The following PIK3R3 variants were observed in gnomAD, a reference collection of about 807,000 sequenced individuals.
PIK3R3 encodes the protein phosphatidylinositol 3-kinase regulatory subunit gamma.
In PIK3R3, 64 loss-of-function variants were observed where a neutral mutation model predicts 62.9. That is an observed-to-expected ratio of 1.02 (90% CI 0.83 to 1.25). PIK3R3 has a LOEUF of 1.25. Ranked by LOEUF, PIK3R3 falls within the 50% of genes most tolerant of loss-of-function variation. The pLI, the probability that PIK3R3 is intolerant of heterozygous loss-of-function variation, is 0.00. For missense variants in PIK3R3, 614 were observed against 561.6 expected (o/e 1.09, Z -0.94); for synonymous variants, 165 against 189.0 (o/e 0.87, Z 1.04).
At chr1:46,070,677 T>G (rs1649400152) in intron 3 of PIK3R3, among the ~76,000 whole-genome samples, 1 of 152,192 alleles carries the variant, frequency 6.6e-6, no homozygotes, top group Non-Finnish European at 1.5e-5. Flanking sequence ...AGGGAAGGAC[T>G]AAGTGGAGAA....
chr1:46,090,337 TTTA>T (rs1333384494), intron 1 of PIK3R3, among the ~76,000 whole-genome samples: 2 of 151,944 alleles, frequency 1.3e-5, no homozygotes, highest in African/African-American at 2.4e-5. Context: ...TATTTATTTA[TTTA>T]TTTATTTTTT....
chr1:46,112,145 C>T (rs1294616860), intron 1 of PIK3R3, among the ~76,000 whole-genome samples: 2 of 152,088 alleles, frequency 1.3e-5, no homozygotes, highest in Non-Finnish European at 2.9e-5. Context: ...TCTTCAGGTT[C>T]CTATAATCCT....
chr1:46,098,289 T>C (rs748854574), intron 1 of PIK3R3, among the ~76,000 whole-genome samples: 4 of 152,148 alleles, frequency 2.6e-5, no homozygotes, highest in African/African-American at 4.8e-5. Flanking sequence ...GTGGAAAAAG[T>C]GAAACCATAA....
chr1:46,091,132 T>C (rs959136212), intron 1 of PIK3R3, among the ~76,000 whole-genome samples: 1 of 149,404 alleles, frequency 6.7e-6, no homozygotes, highest in Admixed American at 6.7e-5. Context: ...GTGACCAGCA[T>C]TTTAACTTTT....
the PIK3R3 span, among the ~76,000 whole-genome samples, chr1:46,161,724 C>G: frequency 6.6e-6 from 1 of 151,934 alleles, no homozygotes; most frequent in Non-Finnish European, 1.5e-5. Flanking sequence ...CCTGTCTGGG[C>G]AACAGAACAA....
chr1:46,118,365 T>C (rs1372787032), intron 1 of PIK3R3, among the ~76,000 whole-genome samples: 4 of 152,036 alleles, frequency 2.6e-5, no homozygotes, highest in Non-Finnish European at 5.9e-5. Context: ...AACCAGTTTC[T>C]CTAATTCTAC....
chr1:46,113,983 G>A (rs1177264273), intron 1 of PIK3R3, among the ~76,000 whole-genome samples: 2 of 152,314 alleles, frequency 1.3e-5, no homozygotes, highest in African/African-American at 4.8e-5. Context: ...GAGGAGCGAT[G>A]CATGGGTATA....
chr1:46,067,692 G>A (rs796910645), intron 3 of PIK3R3, among the ~76,000 whole-genome samples: 17 of 152,140 alleles, frequency 1.1e-4, no homozygotes, highest in African/African-American at 4.1e-4. Context: ...TTTTACACTT[G>A]CTTATAATTC....
intron 1 of PIK3R3, among the ~76,000 whole-genome samples, chr1:46,095,607 C>G (rs933754681): frequency 3.3e-5 from 5 of 152,112 alleles, no homozygotes; most frequent in African/African-American, 1.2e-4. Flanking sequence ...CACCATGGCA[C>G]ATGTTTACCT....
At chr1:46,142,629 C>T in the PIK3R3 span, among the ~76,000 whole-genome samples, 14 of 151,382 alleles carry the variant, frequency 9.2e-5, no homozygotes, top group East Asian at 3.9e-4. Context: ...ACCCGGGAGG[C>T]GGAGCTTGCA....
At chr1:46,078,358 T>C (rs967158492) in intron 2 of PIK3R3, among the ~76,000 whole-genome samples, 3 of 152,062 alleles carry the variant, frequency 2.0e-5, no homozygotes, top group Admixed American at 6.6e-5. Flanking sequence ...GCCAACATGA[T>C]GAAACCCTGT....
At chr1:46,100,335 T>C (rs1652539144) in intron 1 of PIK3R3, among the ~76,000 whole-genome samples, 1 of 152,174 alleles carries the variant, frequency 6.6e-6, no homozygotes, top group Non-Finnish European at 1.5e-5. Context: ...AGAAATCTCA[T>C]TTTATTTTCC....
chr1:46,086,900 G>A (rs1651108034), intron 1 of PIK3R3, among the ~76,000 whole-genome samples: 1 of 152,132 alleles, frequency 6.6e-6, no homozygotes, highest in Admixed American at 6.5e-5. Context: ...CTCCACCCTA[G>A]ATAAAGGCTG....
the PIK3R3 span, among the ~76,000 whole-genome samples, chr1:46,156,865 T>C: frequency 6.6e-6 from 1 of 152,190 alleles, no homozygotes; most frequent in East Asian, 1.9e-4. Flanking sequence ...AAACTGTCAG[T>C]TAATTAGCTA....
intron 1 of PIK3R3, among the ~76,000 whole-genome samples, chr1:46,096,368 A>G (rs1652123384): frequency 6.6e-6 from 1 of 152,228 alleles, no homozygotes; most frequent in South Asian, 2.1e-4. Flanking sequence ...GGTTGATTAT[A>G]TCACCATAGT....
chr1:46,139,572 G>C, the PIK3R3 span, among the ~76,000 whole-genome samples: 3 of 152,214 alleles, frequency 2.0e-5, no homozygotes, highest in Non-Finnish European at 2.9e-5. Context: ...CTACCAAAGT[G>C]CTGGGATTAC....
intron 6 of PIK3R3, 101 bp downstream of exon 6, chr1:46,061,828 C>T (rs946715479): frequency 9.6e-7 from 1 of 1,044,382 alleles, no homozygotes; most frequent in East Asian, 2.4e-5. Flanking sequence ...AATAGTAGGG[C>T]TGTGCAGTTT....
intron 1 of PIK3R3, among the ~76,000 whole-genome samples, chr1:46,117,995 T>C (rs1173566462): frequency 6.7e-6 from 1 of 149,966 alleles, no homozygotes; most frequent in Non-Finnish European, 1.5e-5. Flanking sequence ...GGAGGACCAC[T>C]TGAGCCCAGG....
intron 3 of PIK3R3, among the ~76,000 whole-genome samples, chr1:46,072,960 T>TAA (rs10550189): frequency 1.8e-4 from 3 of 16,938 alleles, no homozygotes; most frequent in Non-Finnish European, 3.3e-4. Flanking sequence ...TATAAATAAA[T>TAA]ATATATATAT....
Sources: allele counts gnomAD v4.1 joint callset (sites outside exome capture counted in the v4.1 genomes callset), GRCh38; gene constraint gnomAD v4.1.1; transcripts MANE v1.5; gene names NCBI Gene and HGNC (gene_info 2026-07-23, HGNC 2026-07-21).